PAM: variants seen among roughly 807,000 people sequenced by gnomAD.
PAM encodes peptidyl-glycine alpha-amidating monooxygenase.
Under a neutral mutation model 122.1 loss-of-function variants are expected in PAM, and 72 were observed. That is an observed-to-expected ratio of 0.59 (90% CI 0.49 to 0.72). PAM has a LOEUF of 0.72. Among genes scored for constraint, PAM ranks in the 30% least tolerant of loss-of-function variants. PAM has a pLI of 0.00. For missense variants in PAM, 1,106 were observed against 1,183.7 expected, an observed-to-expected ratio of 0.93 and a Z score of 0.96; for synonymous variants, 389 against 404.4, an observed-to-expected ratio of 0.96 and a Z score of 0.46.
chr5:102,935,595 C>T (rs1474091038), intron 7 of PAM, among the ~76,000 whole-genome samples: 1 of 152,056 alleles, frequency 6.6e-6, no homozygotes, highest in African/African-American at 2.4e-5. Context: ...TAACAGGTTC[C>T]ACCAAATCGC....
chr5:103,017,353 ATATT>A lies in PAM; in HGVS notation c.2352_2355del (p.Asp784GlufsTer24). ...TGGCAGCACTTTGATATGCCTCATG[ATATT>A]GTTGCATCTGAAGATGGGACTGTGT... is the stretch of plus-strand genomic sequence containing the variant. On this transcript the variant is annotated frameshift_variant, in exon 22 of 26. Transcript: ENST00000438793. LOFTEE classifies it high-confidence loss of function. 6.2e-7 allele frequency: 1 copy of A among 1,610,326 alleles called. No homozygotes were observed. The highest frequency in any genetic ancestry group is 1.1e-5 in the South Asian group (1 of 90,902).
intron 23 of PAM, 98 bp from the exon 24 acceptor site, chr5:103,025,033 C>A: frequency 1.2e-6 from 1 of 802,102 alleles, no homozygotes; most frequent in Non-Finnish European, 2.0e-6. Flanking sequence ...TCAACAAGTT[C>A]TTTGTGAACA....
intron 19 of PAM, among the ~76,000 whole-genome samples, 181 bp downstream of exon 19, chr5:103,007,192 T>TACAC (rs56140031): frequency 0.18 from 25,792 of 141,402 alleles, 2,444 homozygotes; most frequent in East Asian, 0.41. Flanking sequence ...CACATATACA[T>TACAC]ACACACACAC....
At chr5:102,941,352 A>G (rs1346899362) in intron 7 of PAM, among the ~76,000 whole-genome samples, 2 of 152,234 alleles carry the variant, frequency 1.3e-5, no homozygotes, top group Admixed American at 1.3e-4. Context: ...AGTGAATACA[A>G]AATCAAAAGA....
chr5:102,820,333 TTC>T (rs1370271501), intron 1 of PAM, among the ~76,000 whole-genome samples: 13 of 152,060 alleles, frequency 8.5e-5, no homozygotes, highest in African/African-American at 3.1e-4. Context: ...CTTCAATATA[TTC>T]TCTCTTAAGC....
intron 1 of PAM, among the ~76,000 whole-genome samples, chr5:102,856,540 C>A (rs1048216877): frequency 6.6e-6 from 1 of 152,064 alleles, no homozygotes; most frequent in Non-Finnish European, 1.5e-5. Context: ...GAATTTGATA[C>A]ATGTGTTAGG....
In PAM at chr5:102,908,733, A is replaced by T. The variant is rs577964787; in HGVS notation, c.269-5201A>T. On this transcript the variant is annotated intron_variant, in intron 4 of 25. Coordinates refer to ENST00000438793, the MANE Select transcript of PAM (RefSeq NM_001177306.2). ...AAAGTATAATAATAAAAGAAAAAAA[A>T]ATAATAAATAAATAAATAGTCTTTG... Among the ~76,000 whole-genome samples, 264 of 151,818 alleles carry T rather than the reference A, an allele frequency of 1.7e-3. 1 individual carries two copies. The highest frequency in any genetic ancestry group is 6.0e-3 in the African/African-American group (247 of 41,456).
At position 102,888,920 on chromosome 5, in the gene PAM, A is replaced by G. The variant is rs186456864; in HGVS notation, c.211-12436A>G. Among the ~76,000 whole-genome samples, 5 of 152,092 alleles carry G rather than the reference A, an allele frequency of 3.3e-5. No individual in the cohort carries two copies. In the South Asian group the frequency reaches 6.2e-4, roughly 19 times the overall value. On this transcript the variant is annotated intron_variant, in intron 3 of 25. Coordinates refer to ENST00000438793, the MANE Select transcript of PAM (RefSeq NM_001177306.2). ...TTTGAAATGTAATCCTATCCATGGA[A>G]TAGAATGCAAACATTAACTAAATGT...
chr5:102,956,832 C>A (rs1472417790), intron 12 of PAM, among the ~76,000 whole-genome samples: 2 of 152,012 alleles, frequency 1.3e-5, no homozygotes, highest in Non-Finnish European at 2.9e-5. Context: ...TTACCTTTCA[C>A]TTGTTTGAAA....
intron 16 of PAM, among the ~76,000 whole-genome samples, chr5:102,996,949 GT>G (rs1339447937): frequency 2.0e-5 from 3 of 151,954 alleles, no homozygotes; most frequent in African/African-American, 4.8e-5. Context: ...TTTTTACTTT[GT>G]TTTTGAGGGG....
intron 1 of PAM, among the ~76,000 whole-genome samples, chr5:102,824,223 A>G (rs976498605): frequency 1.2e-4 from 19 of 152,230 alleles, no homozygotes; most frequent in African/African-American, 4.3e-4. Flanking sequence ...ATTTAAGAAA[A>G]TATGAGGCAA....
At position 102,938,480 on chromosome 5, in the gene PAM, G is replaced by A. The variant is rs570063985; in HGVS notation, c.527-8357G>A. Among the ~76,000 whole-genome samples the A allele has an allele frequency of 2.0e-5, 3 of 152,218 alleles. No individual in the cohort carries two copies. In the South Asian group the frequency reaches 6.2e-4, roughly 32 times the overall value. On this transcript the variant is annotated intron_variant, in intron 7 of 25. Transcript: ENST00000438793. ...AAAGTAATTCAACATTGAGCAGAGC[G>A]TAAGTGATGTCTTTTTTGGGAAAAG...
At chr5:102,871,403 C>T (rs1461163010) in intron 3 of PAM, among the ~76,000 whole-genome samples, 2 of 151,946 alleles carry the variant, frequency 1.3e-5, no homozygotes, top group Non-Finnish European at 2.9e-5. Flanking sequence ...CATGGAGAAG[C>T]TAAGACATTG....
At chr5:102,827,986 A>G (rs1774180184) in intron 1 of PAM, among the ~76,000 whole-genome samples, 1 of 152,340 alleles carries the variant, frequency 6.6e-6, no homozygotes, top group Admixed American at 6.5e-5. Flanking sequence ...TTAATGTAGT[A>G]TAAAGCTGAT....
At chr5:102,910,940 G>A (rs1801219908) in intron 4 of PAM, among the ~76,000 whole-genome samples, 1 of 151,834 alleles carries the variant, frequency 6.6e-6, no homozygotes, top group Admixed American at 6.6e-5. Flanking sequence ...ATTCACTAGG[G>A]GTGGGGTCTT....
At chr5:102,789,230 G>A (rs1210493497) in intron 1 of PAM, among the ~76,000 whole-genome samples, 1 of 152,092 alleles carries the variant, frequency 6.6e-6, no homozygotes, top group Non-Finnish European at 1.5e-5. Flanking sequence ...CAGAAGACAT[G>A]TTTACTGGAA....
chr5:103,007,777 G>C (rs968750100), intron 20 of PAM, 120 bp downstream of exon 20: 22 of 644,638 alleles, frequency 3.4e-5, no homozygotes, highest in Admixed American at 1.9e-4. Flanking sequence ...CATCTTAAAA[G>C]TATCTTACAA....
intron 4 of PAM, among the ~76,000 whole-genome samples, chr5:102,909,107 C>A (rs1307172265): frequency 6.6e-6 from 1 of 151,530 alleles, no homozygotes; most frequent in African/African-American, 2.4e-5. Flanking sequence ...TCATGACATA[C>A]CTTTTATATT....
rs1581135318 is a variant in PAM at position 102,868,520 on chromosome 5, A to G, written c.210+1127A>G. Among the ~76,000 whole-genome samples the G allele has an allele frequency of 5.9e-5, 9 of 152,324 alleles. No individual in the cohort carries two copies. In the South Asian group the frequency reaches 1.9e-3, roughly 32 times the overall value. ...CCATGCATTCAGTTGTTACTGTGCT[A>G]GCTTTTAATTTCATAAGCTTTTTAT... On this transcript the variant is annotated intron_variant, in intron 3 of 25. Coordinates refer to ENST00000438793, the MANE Select transcript of PAM (RefSeq NM_001177306.2).
Sources: allele counts gnomAD v4.1 joint callset (sites outside exome capture counted in the v4.1 genomes callset), GRCh38; gene constraint gnomAD v4.1.1; transcripts MANE v1.5; gene names NCBI Gene and HGNC (gene_info 2026-07-23, HGNC 2026-07-21).